The following CACNG3 variants were observed in gnomAD, a reference collection of about 807,000 sequenced individuals.
The protein encoded by CACNG3 is voltage-dependent calcium channel gamma-3 subunit.
A neutral mutation model predicts 28.5 loss-of-function variants in CACNG3; 3 were observed. The ratio of observed to expected loss-of-function variants is 0.11; its 90% CI spans 0.05 to 0.27. The LOEUF is 0.27. Among genes scored for constraint, CACNG3 ranks in the 10% least tolerant of loss-of-function variants. The probability of loss-of-function intolerance (pLI) is 1.00; values close to 1 mark genes in which losing one functional copy is unlikely to be tolerated. For synonymous variants in CACNG3, 174 were observed against 162.2 expected (o/e 1.07, Z -0.55); for missense variants, 236 against 414.4 (o/e 0.57, Z 3.74).
intron 1 of CACNG3, among the ~76,000 whole-genome samples, chr16:24,345,466 C>T (rs907127412): frequency 1.3e-5 from 2 of 151,830 alleles, no homozygotes; most frequent in South Asian, 4.2e-4. Context: ...ATTGGGAGGC[C>T]GAGGCAGGTG....
chr16:24,279,954 A>T (rs1378939880), intron 1 of CACNG3, among the ~76,000 whole-genome samples: 3 of 152,222 alleles, frequency 2.0e-5, no homozygotes, highest in Non-Finnish European at 4.4e-5. Context: ...CCAAGAACTC[A>T]TGAGGGATAT....
In CACNG3 at chr16:24,345,243, T is replaced by C. The variant is rs563762567; in HGVS notation, c.212-1491T>C. The stretch of plus-strand genomic sequence containing the variant: ...TTGTCCGTTTCCCACGACATCACAA[T>C]GCCCGCCCCCCTGATTCCACTCCAG... On this transcript the variant is annotated intron_variant, in intron 1 of 3. Transcript: ENST00000005284. 1.9e-3 allele frequency among the ~76,000 whole-genome samples: 292 copies of C among 152,270 alleles called. 1 individual carries two copies. Among genetic ancestry groups the C allele is most frequent in the African/African-American group, 5.9e-3 (246 of 41,558 alleles).
chr16:24,276,048 A>C (rs1299598097), intron 1 of CACNG3, among the ~76,000 whole-genome samples: 3 of 152,216 alleles, frequency 2.0e-5, no homozygotes, highest in Non-Finnish European at 4.4e-5. Context: ...AAGCTATTCA[A>C]ATACTGCTCT....
chr16:24,256,972 A>G lies in CACNG3; in HGVS notation c.211+7A>G, dbSNP rs1898467144. On this transcript the variant is annotated splice_region_variant and intron_variant, in intron 1 of 3. Coordinates refer to ENST00000005284, the MANE Select transcript of CACNG3 (RefSeq NM_006539.4). The surrounding 1 kb of genome is among the most constrained non-coding windows in gnomAD (Gnocchi z 4.6). ...AGGACCTGCTGCCTAGAAGGTATTT[A>G]CAATTTCCTCTCAATAGCTCTGAAT... 1 of 1,561,728 alleles carries G rather than the reference A, an allele frequency of 6.4e-7. No homozygotes were observed. The highest frequency in any genetic ancestry group is 1.4e-5 in the African/African-American group (1 of 73,924).
chr16:24,317,554 A>AAAAG (rs1202219518), intron 1 of CACNG3, among the ~76,000 whole-genome samples: 1,809 of 85,268 alleles, frequency 0.021, 102 homozygotes, highest in Non-Finnish European at 0.03. Context: ...AAAAAAAAGA[A>AAAAG]AAAGAAAGAA....
intron 1 of CACNG3, among the ~76,000 whole-genome samples, chr16:24,263,468 A>C (rs1229713917): frequency 6.6e-6 from 1 of 152,200 alleles, no homozygotes; most frequent in African/African-American, 2.4e-5. Flanking sequence ...AACTGTAGAA[A>C]ACCCCAAGGT....
chr16:24,264,918 A>G (rs1319053070), intron 1 of CACNG3, among the ~76,000 whole-genome samples: 1 of 152,194 alleles, frequency 6.6e-6, no homozygotes, highest in Non-Finnish European at 1.5e-5. Flanking sequence ...AAATAATGTC[A>G]CCATGCTTCA....
intron 1 of CACNG3, among the ~76,000 whole-genome samples, chr16:24,293,467 T>C (rs1227740169): frequency 6.6e-6 from 1 of 152,138 alleles, no homozygotes; most frequent in Non-Finnish European, 1.5e-5. Flanking sequence ...GCTGTAAATC[T>C]TTGAAGAAGC....
chr16:24,348,207 G>A (rs1032036819), intron 2 of CACNG3, among the ~76,000 whole-genome samples: 1 of 151,896 alleles, frequency 6.6e-6, no homozygotes, highest in Non-Finnish European at 1.5e-5. Flanking sequence ...AGACCAGTCT[G>A]GGCAACATAT....
chr16:24,327,817 C>T (rs916907837), intron 1 of CACNG3, among the ~76,000 whole-genome samples: 11 of 151,750 alleles, frequency 7.2e-5, no homozygotes, highest in Non-Finnish European at 5.9e-5. Flanking sequence ...TGGTGAGCAA[C>T]TGTAGTCCCA....
Position 24,362,067 on chromosome 16 carries a change from C to CT in CACNG3, c.*206dup, listed in dbSNP as rs61695823. ...CCTCTCTAACTTTTCAAGCCAATCC[C>CT]TTAATGTCATTCCTCTCTCTGTGTA... is the stretch of plus-strand genomic sequence containing the variant. On this transcript the variant is annotated 3_prime_UTR_variant, in exon 4 of 4. Coordinates refer to ENST00000005284, the MANE Select transcript of CACNG3 (RefSeq NM_006539.4). 40,589 of 512,108 alleles carry CT rather than the reference C, an allele frequency of 0.079. 2,175 individuals are homozygous for CT. Among genetic ancestry groups the CT allele is most frequent in the South Asian group, 0.21 (5,495 of 26,174 alleles). The allele number at this position is 512,108 out of a possible 1,614,324, so 31.7% of individuals were successfully genotyped here. A position where few individuals can be genotyped will look rare whatever the true frequency, so the allele number is the denominator to read the frequency against.
intron 1 of CACNG3, among the ~76,000 whole-genome samples, chr16:24,309,167 A>C (rs1310488516): frequency 2.0e-5 from 3 of 152,242 alleles, no homozygotes; most frequent in Non-Finnish European, 2.9e-5. Flanking sequence ...AGGCATTTGA[A>C]CAAAGAGATA....
chr16:24,264,321 T>C (rs1359284237), intron 1 of CACNG3, among the ~76,000 whole-genome samples: 1 of 152,090 alleles, frequency 6.6e-6, no homozygotes, highest in East Asian at 1.9e-4. Flanking sequence ...GAGGAGGGTG[T>C]GTAATAAATG....
intron 3 of CACNG3, among the ~76,000 whole-genome samples, chr16:24,355,486 G>A (rs1259427468): frequency 6.6e-6 from 1 of 152,178 alleles, no homozygotes; most frequent in Non-Finnish European, 1.5e-5. Flanking sequence ...AGGAAGCTGA[G>A]GTGGGGGGAT....
At position 24,334,480 on chromosome 16, in the gene CACNG3, G is replaced by A. The variant is rs189613783; in HGVS notation, c.212-12254G>A. On this transcript the variant is annotated intron_variant, in intron 1 of 3. Transcript: ENST00000005284. ...ACCAAAATCTGCCCCAGGACCCTCC[G>A]TGTGGGCTGTGCAGAGGAGATGGAT... 5.8e-4 allele frequency among the ~76,000 whole-genome samples: 89 copies of A among 152,310 alleles called. 1 individual carries two copies. The highest frequency in any genetic ancestry group is 1.9e-3 in the African/African-American group (79 of 41,568).
chr16:24,271,326 A>G (rs1431070688), intron 1 of CACNG3, among the ~76,000 whole-genome samples: 2 of 152,206 alleles, frequency 1.3e-5, no homozygotes, highest in South Asian at 2.1e-4. Flanking sequence ...TCTTTCACTG[A>G]AGACAAGTCC....
At chr16:24,307,324 G>T (rs1410077045) in intron 1 of CACNG3, among the ~76,000 whole-genome samples, 2 of 152,148 alleles carry the variant, frequency 1.3e-5, no homozygotes, top group East Asian at 3.9e-4. Flanking sequence ...GTTTCACCAT[G>T]TTGGCCAGGT....
intron 1 of CACNG3, among the ~76,000 whole-genome samples, chr16:24,317,562 GA>G (rs1283224237): frequency 1.0e-4 from 3 of 30,126 alleles, no homozygotes; most frequent in African/African-American, 3.4e-4. Context: ...GAAAAAGAAA[GA>G]AAGAAAGAAA....
rs1224456416 is a variant in CACNG3 at position 24,361,673 on chromosome 16, G to C, written c.758G>C (p.Gly253Ala). 6.2e-7 allele frequency: 1 copy of C among 1,613,130 alleles called. No individual in the cohort carries two copies. Among genetic ancestry groups the C allele is most frequent in the Non-Finnish European group, 8.5e-7 (1 of 1,179,830 alleles). The change falls in exon 4 of 4, where the codon GGC becomes GCC. Residue 253 changes from glycine to alanine, a missense_variant. Coordinates refer to ENST00000005284, the MANE Select transcript of CACNG3 (RefSeq NM_006539.4). This position sits in a 1 kb window ranked among gnomAD's most constrained non-coding sequence, Gnocchi z 6.8. ...CGAGACCTGTCCCCCATCAGCAAAG[G>C]CTTCCACACCATCCCTTCCACTGAC... ...RSRDLSPISK[G>A]FHTIPSTDIS...
Sources: allele counts gnomAD v4.1 joint callset (sites outside exome capture counted in the v4.1 genomes callset), GRCh38; gene constraint gnomAD v4.1.1; non-coding constraint Gnocchi (gnomAD v3.1); transcripts MANE v1.5; gene names NCBI Gene and HGNC (gene_info 2026-07-23, HGNC 2026-07-21).